The following NR2F1-AS1 variants were observed in gnomAD, a reference collection of about 807,000 sequenced individuals.
The protein encoded by NR2F1-AS1 is NR2F1 antisense RNA 1.
chr5:93,544,107 G>C (rs983425085), intron 4 of NR2F1-AS1: 2 of 151,932 alleles, frequency 1.3e-5, no homozygotes, highest in African/African-American at 4.8e-5. Flanking sequence ...TGAGACTCTA[G>C]CTCAAAAAAT....
intron 3 of NR2F1-AS1, among the ~76,000 whole-genome samples, chr5:93,554,407 G>A (rs1329369004): frequency 1.3e-5 from 2 of 152,056 alleles, no homozygotes; most frequent in Non-Finnish European, 2.9e-5. Context: ...GTTCATTCTT[G>A]TTAATACCGA....
At chr5:93,504,206 G>C (rs1287766873) in intron 4 of NR2F1-AS1, among the ~76,000 whole-genome samples, 2 of 152,092 alleles carry the variant, frequency 1.3e-5, no homozygotes, top group Admixed American at 6.5e-5. Flanking sequence ...ATAAATTGCA[G>C]ATCATTGTTG....
chr5:93,412,618 C>T (rs1262896865), intron 4 of NR2F1-AS1, among the ~76,000 whole-genome samples: 1 of 152,234 alleles, frequency 6.6e-6, no homozygotes, highest in Non-Finnish European at 1.5e-5. Context: ...TCTGCCCTGA[C>T]TGGATTTTCG....
rs894405144 is a variant in NR2F1-AS1, at chr5:93,564,178, G to C, written n.314-715C>G. ...CACAACTACCTGGAGAATACTTACA[G>C]CACAGACAAAGCTACTATTAGCAGC... On this transcript the variant is annotated intron_variant and non_coding_transcript_variant, in intron 1 of 5. Transcript: ENST00000660523. Among the ~76,000 whole-genome samples the C allele has an allele frequency of 2.6e-5, 3 of 117,212 alleles. No individual in the cohort carries two copies. The East Asian group carries it at 8.6e-4, about 33-fold the overall frequency. The allele number at this position is 117,212 out of a possible 152,430, so 76.9% of individuals were successfully genotyped here. A position where few individuals can be genotyped will look rare whatever the true frequency, so the allele number is the denominator to read the frequency against.
intron 4 of NR2F1-AS1, among the ~76,000 whole-genome samples, chr5:93,520,775 C>T (rs532066671): frequency 6.6e-5 from 10 of 152,184 alleles, no homozygotes; most frequent in African/African-American, 1.9e-4. Context: ...ATATAGTACT[C>T]CCCTTCTGTG....
At chr5:93,517,384 C>T (rs1358537998) in intron 4 of NR2F1-AS1, among the ~76,000 whole-genome samples, 1 of 151,948 alleles carries the variant, frequency 6.6e-6, no homozygotes, top group Admixed American at 6.6e-5. Flanking sequence ...AAGTAAGAAA[C>T]ATGCTGGTGA....
intron 4 of NR2F1-AS1, among the ~76,000 whole-genome samples, chr5:93,524,831 C>T (rs1055390160): frequency 1.3e-5 from 2 of 152,200 alleles, no homozygotes; most frequent in Admixed American, 6.5e-5. Flanking sequence ...ACCACCAGGC[C>T]GGCCTTACAA....
At chr5:93,434,410 A>T (rs1296164761) in intron 4 of NR2F1-AS1, among the ~76,000 whole-genome samples, 1 of 152,136 alleles carries the variant, frequency 6.6e-6, no homozygotes, top group African/African-American at 2.4e-5. Flanking sequence ...TGTTTGACCC[A>T]CATTGTTAAC....
At chr5:93,520,042 C>T (rs1218218107) in intron 4 of NR2F1-AS1, among the ~76,000 whole-genome samples, 1 of 151,990 alleles carries the variant, frequency 6.6e-6, no homozygotes, top group Non-Finnish European at 1.5e-5. Flanking sequence ...GACAAATTCA[C>T]ATTCACTACT....
chr5:93,583,967 A>C (rs1753175492), upstream of NR2F1-AS1: 1 of 151,990 alleles, frequency 6.6e-6, no homozygotes. Context: ...AAAAGAGCAA[A>C]GTGTGTGATC....
chr5:93,460,368 T>C (rs1750062517), intron 4 of NR2F1-AS1, among the ~76,000 whole-genome samples: 3 of 151,784 alleles, frequency 2.0e-5, no homozygotes, highest in South Asian at 4.2e-4. Flanking sequence ...TCTCAGGGAG[T>C]TCTCCACATT....
intron 4 of NR2F1-AS1, among the ~76,000 whole-genome samples, chr5:93,433,329 T>A (rs1186310487): frequency 6.6e-6 from 1 of 152,230 alleles, no homozygotes; most frequent in African/African-American, 2.4e-5. Context: ...CCCATGATAA[T>A]CCCATAATTC....
At chr5:93,463,992 T>C (rs1390120920) in intron 4 of NR2F1-AS1, among the ~76,000 whole-genome samples, 1 of 152,134 alleles carries the variant, frequency 6.6e-6, no homozygotes, top group East Asian at 1.9e-4. Flanking sequence ...TTTGGGAGAC[T>C]GTTGGGAAGG....
chr5:93,454,360 G>A (rs1039335311), intron 4 of NR2F1-AS1, among the ~76,000 whole-genome samples: 4 of 152,166 alleles, frequency 2.6e-5, no homozygotes, highest in African/African-American at 4.8e-5. Context: ...ACAAGGTATT[G>A]TAAGCTTTTG....
intron 4 of NR2F1-AS1, among the ~76,000 whole-genome samples, chr5:93,511,177 T>C (rs1751287290): frequency 2.0e-5 from 3 of 152,184 alleles, no homozygotes; most frequent in South Asian, 4.1e-4. Context: ...TTTGAATCAG[T>C]AGACTCAGTA....
intron 2 of NR2F1-AS1, among the ~76,000 whole-genome samples, chr5:93,561,665 T>C (rs1430478467): frequency 6.6e-6 from 1 of 151,868 alleles, no homozygotes; most frequent in East Asian, 1.9e-4. Flanking sequence ...CCCAGCTCCA[T>C]ATGAGACTGA....
At chr5:93,576,429 C>CTT (rs199848607) in intron 1 of NR2F1-AS1, among the ~76,000 whole-genome samples, 72 of 138,466 alleles carry the variant, frequency 5.2e-4, no homozygotes, top group African/African-American at 1.6e-3. Context: ...TATGCTTGTG[C>CTT]TTTTTTTTTT....
intron 4 of NR2F1-AS1, among the ~76,000 whole-genome samples, chr5:93,519,678 TCTG>T (rs1396657839): frequency 6.6e-6 from 1 of 152,018 alleles, no homozygotes; most frequent in African/African-American, 2.4e-5. Flanking sequence ...AATCACCATG[TCTG>T]CTGCTATTGC....
chr5:93,545,490 G>C (rs1458178934), intron 4 of NR2F1-AS1, among the ~76,000 whole-genome samples: 1 of 152,194 alleles, frequency 6.6e-6, no homozygotes, highest in Non-Finnish European at 1.5e-5. Context: ...TTTTGGAAGA[G>C]TCACAAAATA....
Sources: gnomAD v4.1 joint callset for allele counts (sites outside exome capture counted in the v4.1 genomes callset) on GRCh38, gnomAD v4.1.1 for gene constraint, MANE v1.5 for transcripts, NCBI Gene and HGNC (gene_info 2026-07-23, HGNC 2026-07-21) for gene names.